Variants in JTB observed in about 807,000 individuals in gnomAD.
JTB encodes the protein protein JTB.
In JTB, 10 loss-of-function variants were observed where a neutral mutation model predicts 22.1. That is an observed-to-expected ratio of 0.45 (90% confidence interval 0.28 to 0.77). The LOEUF is 0.77. Ranked by LOEUF, JTB falls within the 30% of genes least tolerant of loss-of-function variation. JTB has a pLI of 0.13. For missense variants in JTB, 137 were observed against 180.3 expected (o/e 0.76, Z 1.38); for synonymous variants, 83 against 66.8 (o/e 1.24, Z -1.18).
At position 153,977,528 on chromosome 1, in the gene JTB, C is replaced by T. The variant is rs1257829802; in HGVS notation, c.-276G>A. The T allele has an allele frequency of 8.6e-7, 1 of 1,163,532 alleles. No individual in the cohort carries two copies. Among genetic ancestry groups the T allele is most frequent in the Non-Finnish European group, 1.1e-6 (1 of 939,218 alleles). The allele number at this position is 1,163,532 out of a possible 1,614,324, so 72.1% of individuals were successfully genotyped here. ...GGAAGGGCCGGCGGGGGCTCGCGGC[C>T]CTAGCGCCCGCTCACCTCCGCTCCC... On this transcript the variant is annotated 5_prime_UTR_variant, in exon 1 of 5. Coordinates refer to ENST00000271843, the MANE Select transcript of JTB (RefSeq NM_006694.4).
chr1:153,974,853 T>C lies in JTB; in HGVS notation c.285-18A>G. 3.1e-6 allele frequency: 5 copies of C among 1,591,532 alleles called. No homozygotes were observed. The highest frequency in any genetic ancestry group is 1.1e-5 in the South Asian group (1 of 90,360). ...AGCGGCAGCTGAGGGCAGGAAGGAATAGTTATTCCCAAGGAAGGCCAGACA... is the reference window on the plus strand; with the variant it reads ...AGCGGCAGCTGAGGGCAGGAAGGAACAGTTATTCCCAAGGAAGGCCAGACA... On this transcript the variant is annotated intron_variant, in intron 4 of 4. Transcript: ENST00000271843.
intron 3 of JTB, 100 bp from the exon 4 acceptor site, chr1:153,976,005 T>C (rs1648783517): frequency 3.8e-6 from 3 of 789,698 alleles, no homozygotes; most frequent in African/African-American, 1.7e-5. Flanking sequence ...TGCTATGGTT[T>C]GGAGTGGTAG....
chr1:153,974,836 C>A lies in JTB; in HGVS notation c.285-1G>T. 1 of 1,604,076 alleles carries A rather than the reference C, an allele frequency of 6.2e-7. No individual in the cohort carries two copies. Among genetic ancestry groups the A allele is most frequent in the Non-Finnish European group, 8.5e-7 (1 of 1,171,746 alleles). The stretch of plus-strand genomic sequence containing the variant: ...TTGTTCCATCAAAGCTGAGCGGCAG[C>A]TGAGGGCAGGAAGGAATAGTTATTC... On this transcript the variant is annotated splice_acceptor_variant, in intron 4 of 4. Coordinates refer to ENST00000271843, the MANE Select transcript of JTB (RefSeq NM_006694.4). LOFTEE classifies it high-confidence loss of function.
In JTB at chr1:153,975,918, A is replaced by G. The variant is rs753617013; in HGVS notation, c.205-13T>C. ...CAGGGGTAGTTTTCTGCCAGGAGAA[A>G]AGGAGCAAAGTACATGTTAGGAAGG... On this transcript the variant is annotated splice_polypyrimidine_tract_variant and intron_variant, in intron 3 of 4. Transcript: ENST00000271843. 2 of 1,599,398 alleles carry G rather than the reference A, an allele frequency of 1.3e-6. No homozygotes were observed. Among genetic ancestry groups the G allele is most frequent in the Admixed American group, 3.3e-5 (2 of 59,972 alleles).
chr1:153,975,420 CTTTTTTT>C (rs759464567), intron 4 of JTB, among the ~76,000 whole-genome samples: 1 of 112,364 alleles, frequency 8.9e-6, no homozygotes, highest in Non-Finnish European at 1.8e-5. Context: ...CTCCCAGCCT[CTTTTTTT>C]TTTTTTTTTT....
In JTB at chr1:153,977,207, G is replaced by T; in HGVS notation, c.46C>A (p.Leu16Ile). Residue 16 changes from leucine to isoleucine, a missense_variant, in exon 1 of 5, where the codon CTC becomes ATC. By Grantham distance (5) the Leu-to-Ile change is conservative. Coordinates refer to ENST00000271843, the MANE Select transcript of JTB (RefSeq NM_006694.4). Reference sequence around the variant, plus strand: ...GTGAAAGCACAGAGCAACCAGCAGAGGTGGCGGCCCTGGGGGAGGCCAGGC... The same window carrying T: ...GTGAAAGCACAGAGCAACCAGCAGATGTGGCGGCCCTGGGGGAGGCCAGGC... ...GRPGLPQGRH[L>I]CWLLCAFTLK... The T allele has an allele frequency of 6.2e-7, 1 of 1,614,166 alleles. No homozygotes were observed. The highest frequency in any genetic ancestry group is 1.3e-5 in the African/African-American group (1 of 75,046).
intron 3 of JTB, among the ~76,000 whole-genome samples, 186 bp downstream of exon 3, chr1:153,976,507 G>A (rs142379890): frequency 6.6e-6 from 1 of 152,278 alleles, no homozygotes; most frequent in East Asian, 1.9e-4. Flanking sequence ...ACTGCCATTA[G>A]CTTGGAAAGA....
intron 2 of JTB, 62 bp downstream of exon 2, chr1:153,976,914 G>A (rs1298585601): frequency 6.2e-7 from 1 of 1,610,018 alleles, no homozygotes; most frequent in Non-Finnish European, 8.5e-7. Flanking sequence ...TTGGTATATG[G>A]GGAAGATACT....
At position 153,974,303 on chromosome 1, in the gene JTB, G is replaced by C. The variant is rs1283720652; in HGVS notation, c.*376C>G. 1 of 485,428 alleles carries C rather than the reference G, an allele frequency of 2.1e-6. No homozygotes were observed. Among genetic ancestry groups the C allele is most frequent in the African/African-American group, 1.9e-5 (1 of 52,532 alleles). 30.1% of individuals were successfully genotyped at this position (485,428 alleles called of 1,614,324 possible). On this transcript the variant is annotated 3_prime_UTR_variant, in exon 5 of 5. Coordinates refer to ENST00000271843, the MANE Select transcript of JTB (RefSeq NM_006694.4). Reference sequence around the variant, plus strand: ...GTATCTGTGATTTTATTTCTTCTTTGGGTATAGGGTTGAGGGGAAATAAGT... The same window carrying C: ...GTATCTGTGATTTTATTTCTTCTTTCGGTATAGGGTTGAGGGGAAATAAGT...
intron 4 of JTB, 103 bp from the exon 5 acceptor site, chr1:153,974,938 C>G: frequency 9.0e-7 from 1 of 1,116,868 alleles, no homozygotes; most frequent in East Asian, 2.4e-5. Context: ...AAGAGGAAAT[C>G]AGAGCCAGGC....
At chr1:153,976,029 A>AT (rs1250179361) in intron 3 of JTB, 124 bp from the exon 4 acceptor site, 1 of 684,438 alleles carries the variant, frequency 1.5e-6, no homozygotes, top group African/African-American at 1.8e-5. Flanking sequence ...ACAGAGAGCT[A>AT]ATGAAAGAGT....
Position 153,974,553 on chromosome 1 carries a change from G to A in JTB, c.*126C>T. 1 of 756,608 alleles carries A rather than the reference G, an allele frequency of 1.3e-6. No individual in the cohort carries two copies. The highest frequency in any genetic ancestry group is 2.1e-6 in the Non-Finnish European group (1 of 465,278). The allele number at this position is 756,608 out of a possible 1,614,324, so 46.9% of individuals were successfully genotyped here. ...TATTCTGCTCATTAATGATCTGAAA[G>A]AAGAAGATGGGGAAAAGGGGATTCC... is the stretch of plus-strand genomic sequence containing the variant. On this transcript the variant is annotated 3_prime_UTR_variant, in exon 5 of 5. Coordinates refer to ENST00000271843, the MANE Select transcript of JTB (RefSeq NM_006694.4).
Position 153,977,256 on chromosome 1 carries a change from G to T in JTB, c.-4C>A. ...GCCTCCCGGCACCCGCAAGCATGGA[G>T]CGCCAAGTGTCGCACCTGTCGGAAC... is the stretch of plus-strand genomic sequence containing the variant. On this transcript the variant is annotated 5_prime_UTR_variant, in exon 1 of 5. Coordinates refer to ENST00000271843, the MANE Select transcript of JTB (RefSeq NM_006694.4). 6.2e-7 allele frequency: 1 copy of T among 1,613,996 alleles called. No homozygotes were observed. The highest frequency in any genetic ancestry group is 8.5e-7 in the Non-Finnish European group (1 of 1,180,000).
At chr1:153,974,917 A>C (rs1648732712) in intron 4 of JTB, 82 bp from the exon 5 acceptor site, 22 of 1,419,930 alleles carry the variant, frequency 1.5e-5, no homozygotes, top group Non-Finnish European at 1.9e-5. Flanking sequence ...CAGCCTAGCC[A>C]GGATACACTC....
chr1:153,975,900 A>G lies in JTB; in HGVS notation c.210T>C (p.Thr70=), dbSNP rs756044036. The part of the protein sequence containing the change: ...CSPCSNFRAK[T]TPECGPTGYV... ...ATCCTGTGGGACCACACTCAGGGGT[A>G]GTTTTCTGCCAGGAGAAAAGGAGCA... The change falls in exon 4 of 5, where the codon ACT becomes ACC. Residue 70 remains threonine (T), a synonymous_variant. Coordinates refer to ENST00000271843, the MANE Select transcript of JTB (RefSeq NM_006694.4). The G allele has an allele frequency of 1.2e-6, 2 of 1,613,456 alleles. No individual in the cohort carries two copies. The highest frequency in any genetic ancestry group is 3.3e-5 in the Admixed American group (2 of 60,020).
intron 1 of JTB, 71 bp downstream of exon 1, chr1:153,977,099 C>G: frequency 6.2e-7 from 1 of 1,613,948 alleles, no homozygotes; most frequent in Non-Finnish European, 8.5e-7. Flanking sequence ...TAAGATCTCC[C>G]CCAGCCCCGA....
intron 2 of JTB, 91 bp from the exon 3 acceptor site, chr1:153,976,866 C>T: frequency 6.3e-7 from 1 of 1,597,006 alleles, no homozygotes; most frequent in South Asian, 1.1e-5. Context: ...AGCGCTTGCC[C>T]TCATTCCATG....
At position 153,974,501 on chromosome 1, in the gene JTB, A is replaced by G; in HGVS notation, c.*178T>C. On this transcript the variant is annotated 3_prime_UTR_variant, in exon 5 of 5. Transcript: ENST00000271843. ...CATGACTTCCTGCTCCAAGTTACAG[A>G]AGGGAAGGAAACCATTTTACTCTTT... 1.9e-6 allele frequency: 1 copy of G among 514,628 alleles called. No individual in the cohort carries two copies. 31.9% of individuals were successfully genotyped at this position (514,628 alleles called of 1,614,324 possible). A position where few individuals can be genotyped will look rare whatever the true frequency, so the allele number is the denominator to read the frequency against.
In JTB at chr1:153,977,424, T is replaced by A. The variant is rs1648834423; in HGVS notation, c.-172A>T. ...CAGAGGATCTATCAGGACGTCCCCG[T>A]TGCCACAGCGAGAAAAATCGATATG... is the stretch of plus-strand genomic sequence containing the variant. On this transcript the variant is annotated 5_prime_UTR_variant, in exon 1 of 5. Transcript: ENST00000271843. 1 of 1,369,058 alleles carries A rather than the reference T, an allele frequency of 7.3e-7. No homozygotes were observed. Among genetic ancestry groups the A allele is most frequent in the African/African-American group, 1.5e-5 (1 of 67,744 alleles). The allele number at this position is 1,369,058 out of a possible 1,614,324, so 84.8% of individuals were successfully genotyped here. A position where few individuals can be genotyped will look rare whatever the true frequency, so the allele number is the denominator to read the frequency against.
Sources: allele counts gnomAD v4.1 joint callset (sites outside exome capture counted in the v4.1 genomes callset), GRCh38; gene constraint gnomAD v4.1.1; transcripts MANE v1.5; gene names NCBI Gene and HGNC (gene_info 2026-07-23, HGNC 2026-07-21).